Variants in SATL1 observed in about 807,000 individuals in gnomAD.
SATL1 encodes spermidine/spermine N1-acetyl transferase like 1, also known as spermidine/spermine N(1)-acetyltransferase-like protein 1.
SATL1 carries 47 observed loss-of-function variants against 51.8 expected under a neutral mutation model. The ratio of observed to expected loss-of-function variants is 0.91; its 90% CI spans 0.72 to 1.16. The LOEUF is 1.16. SATL1 is among the 50% of genes most tolerant of loss of function. The pLI is 0.00. For missense variants in SATL1, 520 were observed against 526.4 expected, an observed-to-expected ratio of 0.99 and a Z score of 0.12; for synonymous variants, 176 against 182.4, an observed-to-expected ratio of 0.97 and a Z score of 0.28.
intron 2 of SATL1, among the ~76,000 whole-genome samples, chrX:85,124,013 T>A (rs184981606): frequency 1.8e-5 from 2 of 111,846 alleles, no homozygotes; most frequent in African/African-American, 6.5e-5. Context: ...ACATTAAATT[T>A]TTTTAATTAT....
chrX:85,149,795 T>C (rs1246541838), intron 2 of SATL1, among the ~76,000 whole-genome samples: 2 of 106,710 alleles, frequency 1.9e-5, no homozygotes. Flanking sequence ...TACCAGAATC[T>C]CTGGGACACA....
intron 1 of SATL1, among the ~76,000 whole-genome samples, chrX:85,226,851 C>T (rs748197586): frequency 9.0e-6 from 1 of 111,021 alleles, no homozygotes; most frequent in South Asian, 3.8e-4. Context: ...AGCACCCTGG[C>T]TTTTATAATT....
rs773763496 is a variant in SATL1 at position 85,234,070 on chromosome X, A to G, written c.-435+9518T>C. Among the ~76,000 whole-genome samples, 8 of 111,838 alleles carry G rather than the reference A, an allele frequency of 7.2e-5. No homozygotes were observed. In the South Asian group the frequency reaches 3.0e-3, roughly 42 times the overall value. On this transcript the variant is annotated intron_variant, in intron 1 of 7. Transcript: ENST00000644105. ...AGCAAGATAAAAGAAATGAACATGCAAAAACACTCCAATACATCTGTCAGA... is the reference window on the plus strand; with the variant it reads ...AGCAAGATAAAAGAAATGAACATGCGAAAACACTCCAATACATCTGTCAGA...
chrX:85,230,251 C>T (rs900210403), intron 1 of SATL1, among the ~76,000 whole-genome samples: 2 of 111,309 alleles, frequency 1.8e-5, no homozygotes, highest in South Asian at 7.5e-4. Context: ...GAATAGATAT[C>T]GTAGAAATAA....
chrX:85,109,833 A>C (rs957715517), intron 2 of SATL1, among the ~76,000 whole-genome samples: 2 of 110,046 alleles, frequency 1.8e-5, no homozygotes, highest in Admixed American at 9.8e-5. Context: ...ATATAATGAA[A>C]CCTCATGTCT....
chrX:85,123,742 G>A lies in SATL1; in HGVS notation c.-312-14462C>T, dbSNP rs767589804. Among the ~76,000 whole-genome samples, 24 of 111,718 alleles carry A rather than the reference G, an allele frequency of 2.1e-4. No homozygotes were observed. In the South Asian group the frequency reaches 2.2e-3, roughly 10 times the overall value. ...AACCCTGAATATCAATGATTACAAA[G>A]AAACATCCTCTAAGAACACAAACAC... is the stretch of plus-strand genomic sequence containing the variant. On this transcript the variant is annotated intron_variant, in intron 2 of 7. Transcript: ENST00000644105.
At chrX:85,110,293 G>A (rs1303612105) in intron 2 of SATL1, among the ~76,000 whole-genome samples, 1 of 111,377 alleles carries the variant, frequency 9.0e-6, no homozygotes, top group Non-Finnish European at 1.9e-5. Flanking sequence ...TCATATCTGT[G>A]AGGTCAGGCA....
At chrX:85,127,567 T>A (rs773421081) in intron 2 of SATL1, among the ~76,000 whole-genome samples, 22 of 111,695 alleles carry the variant, frequency 2.0e-4, no homozygotes, top group African/African-American at 6.2e-4. Context: ...TTGCTCCATA[T>A]CCTGTTGGCA....
At chrX:85,193,197 A>T (rs1167186993) in intron 2 of SATL1, among the ~76,000 whole-genome samples, 1 of 111,891 alleles carries the variant, frequency 8.9e-6, no homozygotes, top group Non-Finnish European at 1.9e-5. Context: ...AACATATATG[A>T]TTATATCACA....
intron 2 of SATL1, among the ~76,000 whole-genome samples, chrX:85,202,871 G>C (rs756546113): frequency 2.7e-5 from 3 of 111,691 alleles, no homozygotes; most frequent in Non-Finnish European, 3.8e-5. Flanking sequence ...TCCAAGGGTG[G>C]CAAGGGCAGT....
At chrX:85,209,766 T>C (rs1295769131) in intron 2 of SATL1, 1 of 110,710 alleles carries the variant, frequency 9.0e-6, no homozygotes, top group Non-Finnish European at 1.9e-5. Flanking sequence ...CCAATTTTGT[T>C]GATCTTTTCA....
chrX:85,131,278 G>T (rs1287663444), intron 2 of SATL1, among the ~76,000 whole-genome samples: 2 of 111,221 alleles, frequency 1.8e-5, no homozygotes, highest in African/African-American at 3.3e-5. Context: ...TTGTATGGGG[G>T]TCTAAGTCTC....
chrX:85,132,731 A>G (rs1458255097), intron 2 of SATL1, among the ~76,000 whole-genome samples: 3 of 110,695 alleles, frequency 2.7e-5, no homozygotes, highest in Non-Finnish European at 5.7e-5. Context: ...GAGAAGGGGC[A>G]CTCTCGTTTT....
At chrX:85,151,975 T>G (rs1926454854) in intron 2 of SATL1, among the ~76,000 whole-genome samples, 1 of 109,695 alleles carries the variant, frequency 9.1e-6, no homozygotes, top group Non-Finnish European at 1.9e-5. Flanking sequence ...TGGGATCTAA[T>G]TAAACTAAAG....
chrX:85,138,778 G>A (rs1423027815), intron 2 of SATL1, among the ~76,000 whole-genome samples: 40 of 111,280 alleles, frequency 3.6e-4, no homozygotes, highest in Non-Finnish European at 3.8e-5. Flanking sequence ...AAAAATAGCT[G>A]AAGGAAGATA....
At chrX:85,146,034 C>A (rs1012782587) in intron 2 of SATL1, among the ~76,000 whole-genome samples, 2 of 109,597 alleles carry the variant, frequency 1.8e-5, no homozygotes, top group African/African-American at 6.7e-5. Context: ...GCAGTTGGGA[C>A]TACAGGCGCC....
Position 85,107,962 on chromosome X carries a change from A to G in SATL1, c.1007T>C (p.Leu336Pro), listed in dbSNP as rs1318788687. 1 of 1,207,444 alleles carries G rather than the reference A, an allele frequency of 8.3e-7. No homozygotes were observed. ...RSQPGMWPQSLSELVLSEASI... is the reference protein window; with the variant it reads ...RSQPGMWPQSPSELVLSEASI... The stretch of plus-strand genomic sequence containing the variant: ...TGCTTCACTCAGGACTAGTTCGCTC[A>G]GGCTTTGTGGCCACATGCCTGGTTG... Residue 336 changes from leucine (L) to proline (P), a missense_variant, in exon 3 of 8, where the codon CTG becomes CCG. This residue lies in a region of SATL1 where 488 missense variants were observed against 474.3 expected (regional missense o/e 1.03). Coordinates refer to ENST00000644105, the MANE Select transcript of SATL1 (RefSeq NM_001367857.2).
rs947089286 is a variant in SATL1, at chrX:85,105,062, C to G, written c.1642-1147G>C. ...TAATATCTGGTATAGATCATCTCCCCTCATTACTCTTCTTTTTTGAATTTT... is the reference window on the plus strand; with the variant it reads ...TAATATCTGGTATAGATCATCTCCCGTCATTACTCTTCTTTTTTGAATTTT... On this transcript the variant is annotated intron_variant, in intron 3 of 7. Coordinates refer to ENST00000644105, the MANE Select transcript of SATL1 (RefSeq NM_001367857.2). Among the ~76,000 whole-genome samples, 5 of 111,385 alleles carry G rather than the reference C, an allele frequency of 4.5e-5. 1 individual carries two copies. The highest frequency in any genetic ancestry group is 3.8e-5 in the Non-Finnish European group (2 of 53,016).
At chrX:85,223,743 C>G (rs1411656231) in intron 2 of SATL1, among the ~76,000 whole-genome samples, 1 of 111,325 alleles carries the variant, frequency 9.0e-6, no homozygotes, top group Non-Finnish European at 1.9e-5. Context: ...AAGAGAGAAG[C>G]CTGGTACTGT....
Sources: gnomAD v4.1 joint callset for allele counts (sites outside exome capture counted in the v4.1 genomes callset) on GRCh38, gnomAD v4.1.1 for gene constraint, gnomAD v4.1.1 regional missense constraint, MANE v1.5 for transcripts, NCBI Gene and HGNC (gene_info 2026-07-23, HGNC 2026-07-21) for gene names.